TEAD1: variants seen among roughly 807,000 people sequenced by gnomAD.
The protein encoded by TEAD1 is transcriptional enhancer factor TEF-1.
In TEAD1, 9 loss-of-function variants were observed where a neutral mutation model predicts 54.9. That is an observed-to-expected ratio of 0.16 (90% CI 0.10 to 0.29). The LOEUF is 0.29. TEAD1 is among the 10% of genes least tolerant of loss of function. TEAD1 has a pLI of 1.00. For synonymous variants in TEAD1, 200 were observed against 187.8 expected (o/e 1.07, Z -0.53); for missense variants, 387 against 535.9 (o/e 0.72, Z 2.74).
At chr11:12,728,500 CA>C (rs1944356878) in intron 2 of TEAD1, among the ~76,000 whole-genome samples, 1 of 152,136 alleles carries the variant, frequency 6.6e-6, no homozygotes, top group South Asian at 2.1e-4. Flanking sequence ...CAGCACTGAG[CA>C]GGGGGTATCT....
chr11:12,796,095 AG>A (rs1469194380), intron 3 of TEAD1, among the ~76,000 whole-genome samples: 2 of 152,060 alleles, frequency 1.3e-5, no homozygotes, highest in African/African-American at 4.8e-5. Flanking sequence ...CTGGGCCAGG[AG>A]GGGGGCTAGT....
chr11:12,900,384 A>C (rs755790289), intron 9 of TEAD1, among the ~76,000 whole-genome samples: 1 of 152,206 alleles, frequency 6.6e-6, no homozygotes, highest in Non-Finnish European at 1.5e-5. Context: ...TTAATACGCT[A>C]GTATTTACTG....
chr11:12,886,147 T>C (rs906549542), intron 9 of TEAD1, among the ~76,000 whole-genome samples: 6 of 152,336 alleles, frequency 3.9e-5, no homozygotes, highest in African/African-American at 1.4e-4. Flanking sequence ...CCAGAGGTGA[T>C]GAAGCTGAAG....
chr11:12,864,761 T>A, intron 4 of TEAD1, 77 bp from the exon 5 acceptor site: 1 of 1,612,808 alleles, frequency 6.2e-7, no homozygotes, highest in South Asian at 1.1e-5. Context: ...ACGTCTGGCT[T>A]GCCCACTTGT....
At position 12,882,472 on chromosome 11, in the gene TEAD1, A is replaced by G. The variant is rs141819771; in HGVS notation, c.574+515A>G. Among the ~76,000 whole-genome samples, 8 of 152,220 alleles carry G rather than the reference A, an allele frequency of 5.3e-5. No homozygotes were observed. The East Asian group carries it at 1.6e-3, about 30-fold the overall frequency. ...TGTGTGTGTAGAATTACTCCTTTGC[A>G]CTACTTGAGGTGTACAGTATAAAAG... On this transcript the variant is annotated intron_variant, in intron 8 of 12. Coordinates refer to ENST00000527636, the MANE Select transcript of TEAD1 (RefSeq NM_021961.6).
chr11:12,712,699 C>T (rs140619489), intron 2 of TEAD1, among the ~76,000 whole-genome samples: 352 of 152,220 alleles, frequency 2.3e-3, no homozygotes, highest in African/African-American at 7.5e-3. Context: ...ATATCAATCA[C>T]GTGAGAATAA....
At chr11:12,800,026 G>C (rs1415478546) in intron 3 of TEAD1, among the ~76,000 whole-genome samples, 1 of 152,092 alleles carries the variant, frequency 6.6e-6, no homozygotes, top group African/African-American at 2.4e-5. Context: ...TGGAGTCCAG[G>C]GGAATAAGTG....
At chr11:12,695,011 A>G (rs1339739726) in intron 2 of TEAD1, among the ~76,000 whole-genome samples, 3 of 152,252 alleles carry the variant, frequency 2.0e-5, no homozygotes, top group African/African-American at 4.8e-5. Context: ...GTCAAATTCT[A>G]TTTCAGCCTT....
At chr11:12,794,102 A>G (rs1452090587) in intron 3 of TEAD1, among the ~76,000 whole-genome samples, 1 of 152,212 alleles carries the variant, frequency 6.6e-6, no homozygotes, top group Non-Finnish European at 1.5e-5. Context: ...GGAGAGTAGG[A>G]AGGGAATGGG....
At chr11:12,778,750 A>AT in intron 3 of TEAD1, among the ~76,000 whole-genome samples, 1 of 152,068 alleles carries the variant, frequency 6.6e-6, no homozygotes, top group East Asian at 1.9e-4. Context: ...CATTCTTGGC[A>AT]TTTTTATGAC....
chr11:12,935,709 T>G (rs1192448295), intron 12 of TEAD1, among the ~76,000 whole-genome samples: 1 of 152,054 alleles, frequency 6.6e-6, no homozygotes, highest in Non-Finnish European at 1.5e-5. Flanking sequence ...CCACCTGCAT[T>G]GGCCTCCCGA....
chr11:12,896,673 T>G (rs1305303381), intron 9 of TEAD1, among the ~76,000 whole-genome samples: 1 of 152,244 alleles, frequency 6.6e-6, no homozygotes, highest in African/African-American at 2.4e-5. Context: ...TCATGTGATA[T>G]GTAGAAGTGG....
At chr11:12,769,910 A>G (rs948575644) in intron 3 of TEAD1, among the ~76,000 whole-genome samples, 1 of 152,228 alleles carries the variant, frequency 6.6e-6, no homozygotes. Context: ...ATTATGGTTC[A>G]AACAGAGAAC....
chr11:12,932,245 C>T (rs2134172541), intron 12 of TEAD1, among the ~76,000 whole-genome samples: 1 of 152,258 alleles, frequency 6.6e-6, no homozygotes, highest in Non-Finnish European at 1.5e-5. Context: ...GTTTGCAGGA[C>T]TGGCATATAG....
intron 10 of TEAD1, among the ~76,000 whole-genome samples, chr11:12,902,829 T>TAGAG (rs1467198100): frequency 6.6e-6 from 1 of 152,112 alleles, no homozygotes; most frequent in Non-Finnish European, 1.5e-5. Context: ...GTCTATGCTC[T>TAGAG]GCCTTCTGTT....
At chr11:12,903,460 T>C (rs1231226889) in intron 10 of TEAD1, among the ~76,000 whole-genome samples, 5 of 152,244 alleles carry the variant, frequency 3.3e-5, no homozygotes. Context: ...AATTAGTTTG[T>C]TTCGTTTCTT....
rs1472192497 is a variant in TEAD1 at position 12,919,340 on chromosome 11, G to A, written c.874-5572G>A. On this transcript the variant is annotated intron_variant, in intron 10 of 12. Coordinates refer to ENST00000527636, the MANE Select transcript of TEAD1 (RefSeq NM_021961.6). ...TAGGAATGGTCTGCCGCAGCTGCAA[G>A]CAGTAAGGACTTTGCTTGGCTGTAG... 2.6e-5 allele frequency among the ~76,000 whole-genome samples: 4 copies of A among 152,294 alleles called. No homozygotes were observed. The East Asian group carries it at 5.8e-4, about 22-fold the overall frequency.
chr11:12,806,618 G>T (rs914254035), intron 3 of TEAD1, among the ~76,000 whole-genome samples: 4 of 152,216 alleles, frequency 2.6e-5, no homozygotes, highest in Non-Finnish European at 4.4e-5. Context: ...TCTAAGGACT[G>T]TACAGAATAT....
At position 12,756,608 on chromosome 11, in the gene TEAD1, A is replaced by G. The variant is rs548100413; in HGVS notation, c.-54-7571A>G. ...TCACTATTCATTAGGAATTAATTAG[A>G]CTGTCCTTGATGATATCAGTCATCT... On this transcript the variant is annotated intron_variant, in intron 2 of 12. Transcript: ENST00000527636. Among the ~76,000 whole-genome samples, 63 of 152,326 alleles carry G rather than the reference A, an allele frequency of 4.1e-4. 2 individuals carry two copies. Among genetic ancestry groups the G allele is most frequent in the African/African-American group, 1.4e-3 (60 of 41,564 alleles).
Sources: gnomAD v4.1 joint callset for allele counts (sites outside exome capture counted in the v4.1 genomes callset) on GRCh38, gnomAD v4.1.1 for gene constraint, MANE v1.5 for transcripts, NCBI Gene and HGNC (gene_info 2026-07-23, HGNC 2026-07-21) for gene names.